The following PPP1R12A variants were observed in gnomAD, a reference collection of about 807,000 sequenced individuals.
PPP1R12A encodes protein phosphatase 1 regulatory subunit 12A, also known as myosin binding subunit.
PPP1R12A carries 19 observed loss-of-function variants against 139.6 expected under a neutral mutation model. The ratio of observed to expected loss-of-function variants is 0.14; its 90% CI spans 0.09 to 0.20. PPP1R12A has a LOEUF of 0.20. Among genes scored for constraint, PPP1R12A ranks in the 10% least tolerant of loss-of-function variants. The pLI, the probability that PPP1R12A is intolerant of heterozygous loss-of-function variation, is 1.00. For missense variants in PPP1R12A, 925 were observed against 1,211.5 expected (o/e 0.76, Z 3.51); for synonymous variants, 427 against 420.6 (o/e 1.02, Z -0.19).
chr12:79,867,239 T>A (rs992859054), intron 2 of PPP1R12A, among the ~76,000 whole-genome samples: 28 of 152,064 alleles, frequency 1.8e-4, no homozygotes, highest in African/African-American at 6.8e-4. Context: ...AAACACCGCA[T>A]GTTCTCACTC....
In PPP1R12A at chr12:79,828,395, T is replaced by C; in HGVS notation, c.717A>G (p.Ala239=). 6.2e-7 allele frequency: 1 copy of C among 1,612,402 alleles called. No individual in the cohort carries two copies. Among genetic ancestry groups the C allele is most frequent in the Non-Finnish European group, 8.5e-7 (1 of 1,178,784 alleles). Residue 239 remains alanine, a synonymous_variant, in exon 5 of 25, where the codon GCA becomes GCG. Coordinates refer to ENST00000450142, the MANE Select transcript of PPP1R12A (RefSeq NM_002480.3). ...ATGCTTCTTCTTTACCCCAATGAGC[T>C]GCAGCATGAAGAGGTGTCCAGCCAT... The part of the protein sequence containing the change: ...DYDGWTPLHA[A]AHWGKEEACR...
intron 2 of PPP1R12A, among the ~76,000 whole-genome samples, chr12:79,847,104 C>T (rs985397211): frequency 2.1e-4 from 32 of 152,108 alleles, no homozygotes; most frequent in African/African-American, 7.5e-4. Context: ...ATGTTCCCTC[C>T]CCCAGAGATA....
At chr12:79,870,651 T>C (rs1882475363) in intron 2 of PPP1R12A, among the ~76,000 whole-genome samples, 1 of 152,214 alleles carries the variant, frequency 6.6e-6, no homozygotes, top group Admixed American at 6.5e-5. Context: ...TTAGCAACTA[T>C]AGTCAACCTT....
At position 79,935,070 on chromosome 12, in the gene PPP1R12A, C is replaced by T; in HGVS notation, c.-139G>A. The T allele has an allele frequency of 7.1e-7, 1 of 1,407,076 alleles. No individual in the cohort carries two copies. The highest frequency in any genetic ancestry group is 1.5e-5 in the South Asian group (1 of 64,590). The allele number at this position is 1,407,076 out of a possible 1,614,324, so 87.2% of individuals were successfully genotyped here. ...GGGCTGGGAACCCGGAGCCGACGCT[C>T]GAGACTTCCAGTATCCCACAGAGCA... On this transcript the variant is annotated 5_prime_UTR_variant, in exon 1 of 25. Coordinates refer to ENST00000450142, the MANE Select transcript of PPP1R12A (RefSeq NM_002480.3).
chr12:79,859,194 G>A (rs1565782294), intron 2 of PPP1R12A, among the ~76,000 whole-genome samples: 1 of 151,880 alleles, frequency 6.6e-6, no homozygotes, highest in African/African-American at 2.4e-5. Flanking sequence ...AAAATCAGCT[G>A]GGCATGGTGG....
intron 13 of PPP1R12A, 163 bp from the exon 14 acceptor site, chr12:79,805,931 T>G (rs1873774547): frequency 1.1e-6 from 1 of 941,788 alleles, no homozygotes; most frequent in African/African-American, 1.7e-5. Context: ...CCCAGAGTTG[T>G]CAAAGAGAGA....
At position 79,828,381 on chromosome 12, in the gene PPP1R12A, T is replaced by A; in HGVS notation, c.731A>T (p.Lys244Ile). ...CACTAAAATTCGACATGCTTCTTCT[T>A]TACCCCAATGAGCTGCAGCATGAAG... ...TPLHAAAHWGKEEACRILVDN... is the reference protein window; with the variant it reads ...TPLHAAAHWGIEEACRILVDN... The change falls in exon 5 of 25, where the codon AAA becomes ATA. Residue 244 changes from lysine to isoleucine, a missense_variant. Lys to Ile is a moderately radical substitution (Grantham distance 102). Transcript: ENST00000450142. 1 of 1,612,560 alleles carries A rather than the reference T, an allele frequency of 6.2e-7. No individual in the cohort carries two copies. The highest frequency in any genetic ancestry group is 8.5e-7 in the Non-Finnish European group (1 of 1,178,952).
intron 3 of PPP1R12A, among the ~76,000 whole-genome samples, chr12:79,833,283 G>A (rs972122972): frequency 1.3e-5 from 2 of 151,826 alleles, no homozygotes; most frequent in African/African-American, 4.8e-5. Flanking sequence ...ACAAAAAAAG[G>A]GAAGAATACA....
chr12:79,808,667 T>C (rs1169452146), intron 10 of PPP1R12A, 90 bp from the exon 11 acceptor site: 2 of 654,494 alleles, frequency 3.1e-6, no homozygotes, highest in African/African-American at 1.8e-5. Context: ...TATTCAATAA[T>C]TATAATTACA....
intron 1 of PPP1R12A, among the ~76,000 whole-genome samples, chr12:79,917,987 A>G (rs1207110181): frequency 6.6e-6 from 1 of 152,022 alleles, no homozygotes; most frequent in Non-Finnish European, 1.5e-5. Context: ...CCACTCCTTT[A>G]TTCCTCTCCA....
intron 1 of PPP1R12A, among the ~76,000 whole-genome samples, chr12:79,890,026 G>A (rs1159555450): frequency 6.6e-6 from 1 of 152,090 alleles, no homozygotes; most frequent in Non-Finnish European, 1.5e-5. Context: ...AGGAATCCAA[G>A]ATATGAATTT....
chr12:79,860,179 CA>C (rs1434330660), intron 2 of PPP1R12A, among the ~76,000 whole-genome samples: 2 of 152,116 alleles, frequency 1.3e-5, no homozygotes, highest in Admixed American at 6.5e-5. Context: ...AATGTGGTGG[CA>C]AAATTAAATA....
At chr12:79,915,216 A>C (rs1025084465) in intron 1 of PPP1R12A, among the ~76,000 whole-genome samples, 2 of 152,146 alleles carry the variant, frequency 1.3e-5, no homozygotes, top group African/African-American at 4.8e-5. Flanking sequence ...CAATTACTAT[A>C]CTGTGAAGTA....
intron 2 of PPP1R12A, among the ~76,000 whole-genome samples, chr12:79,871,089 A>G (rs1565789345): frequency 6.6e-6 from 1 of 152,334 alleles, no homozygotes; most frequent in South Asian, 2.1e-4. Context: ...GCTAAGAATA[A>G]AGTCCATTTT....
chr12:79,797,719 G>A (rs1415348235), intron 15 of PPP1R12A, among the ~76,000 whole-genome samples: 1 of 152,006 alleles, frequency 6.6e-6, no homozygotes, highest in Non-Finnish European at 1.5e-5. Context: ...ATATATGTGT[G>A]TATATGTATC....
Position 79,795,747 on chromosome 12 carries a change from C to T in PPP1R12A, c.2474G>A (p.Arg825Lys), listed in dbSNP as rs199938934. Reference sequence around the variant, plus strand: ...ATCTTCTCCTTCTTTCTCCTCTTCTCTTTTTTCTCCCTCTGTTAAGGATTG... The same window carrying T: ...ATCTTCTCCTTCTTTCTCCTCTTCTTTTTTTTCTCCCTCTGTTAAGGATTG... ...TKENEREGEK[R>K]EEEKEGEDKS... Residue 825 changes from arginine to lysine, a missense_variant, in exon 18 of 25, where the codon AGA (arginine) becomes AAA (lysine). This residue lies in a region of PPP1R12A where 315 missense variants were observed against 363.4 expected (regional missense o/e 0.87). Coordinates refer to ENST00000450142, the MANE Select transcript of PPP1R12A (RefSeq NM_002480.3). 86 of 1,610,742 alleles carry T rather than the reference C, an allele frequency of 5.3e-5. No homozygotes were observed. In the African/African-American group the frequency reaches 6.8e-4, roughly 13 times the overall value.
chr12:79,887,889 C>T (rs1422939569), intron 1 of PPP1R12A, among the ~76,000 whole-genome samples: 2 of 152,102 alleles, frequency 1.3e-5, no homozygotes, highest in African/African-American at 4.8e-5. Flanking sequence ...AGTCATTAAC[C>T]TCTTAAAGTC....
intron 1 of PPP1R12A, among the ~76,000 whole-genome samples, chr12:79,926,130 T>C (rs565617417): frequency 6.6e-6 from 1 of 152,302 alleles, no homozygotes; most frequent in East Asian, 1.9e-4. Context: ...TTACATAAAC[T>C]GAAGCGTCTA....
rs371339514 is a variant in PPP1R12A at position 79,901,352 on chromosome 12, C to G, written c.238-28414G>C. On this transcript the variant is annotated intron_variant, in intron 1 of 24. Transcript: ENST00000450142. The stretch of plus-strand genomic sequence containing the variant: ...GACATTTGGGTTGTTGACATGACAC[C>G]TGAAGGGCATCTGAGTTGTTTTCAG... 5.6e-4 allele frequency among the ~76,000 whole-genome samples: 86 copies of G among 152,242 alleles called. 1 individual carries two copies. In the South Asian group the frequency reaches 9.3e-3, roughly 17 times the overall value.
Sources: allele counts gnomAD v4.1 joint callset (sites outside exome capture counted in the v4.1 genomes callset), GRCh38; gene constraint gnomAD v4.1.1; regional missense constraint gnomAD v4.1.1; transcripts MANE v1.5; gene names NCBI Gene and HGNC (gene_info 2026-07-23, HGNC 2026-07-21).